ITPRID1: variants seen among roughly 807,000 people sequenced by gnomAD.
ITPRID1 encodes protein ITPRID1.
A neutral mutation model predicts 95.4 loss-of-function variants in ITPRID1; 96 were observed. The observed-to-expected ratio is 1.01, with a 90% CI of 0.85 to 1.19. The LOEUF (loss-of-function observed/expected upper bound fraction) is 1.19, where lower values mean the gene tolerates loss of function less well. Ranked by LOEUF, ITPRID1 falls within the 50% of genes most tolerant of loss-of-function variation. The pLI is 0.00. For missense variants in ITPRID1, 1,339 were observed against 1,252.9 expected, an observed-to-expected ratio of 1.07 and a Z score of -1.04; for synonymous variants, 510 against 453.6, an observed-to-expected ratio of 1.12 and a Z score of -1.58.
chr7:31,640,479 G>C (rs981130311), intron 10 of ITPRID1, among the ~76,000 whole-genome samples: 2 of 152,150 alleles, frequency 1.3e-5, no homozygotes, highest in African/African-American at 2.4e-5. Flanking sequence ...TGTTTCCTCA[G>C]CTTCAAGTGT....
At chr7:31,526,854 G>A (rs978247130) in intron 1 of ITPRID1, among the ~76,000 whole-genome samples, 1 of 151,972 alleles carries the variant, frequency 6.6e-6, no homozygotes, top group Non-Finnish European at 1.5e-5. Flanking sequence ...TTTCAGTCTT[G>A]TTGCTTCCAT....
At chr7:31,523,767 G>A (rs963171164) in intron 1 of ITPRID1, among the ~76,000 whole-genome samples, 1 of 152,074 alleles carries the variant, frequency 6.6e-6, no homozygotes, top group African/African-American at 2.4e-5. Flanking sequence ...CCCAGTCTCG[G>A]GTATTTATAA....
At position 31,578,409 on chromosome 7, in the gene ITPRID1, G is replaced by A. The variant is rs1459405390; in HGVS notation, c.1145G>A (p.Gly382Glu). Residue 382 changes from glycine (G) to glutamate (E), a missense_variant, in exon 9 of 15, where the codon GGA becomes GAA. Coordinates refer to ENST00000615280, the MANE Select transcript of ITPRID1 (RefSeq NM_001257967.3). ...LKSLSHLAGKGPDSFEMEEVQ... is the reference protein window; with the variant it reads ...LKSLSHLAGKEPDSFEMEEVQ... ...AGCTTGTCTCATCTTGCAGGCAAAG[G>A]ACCAGACTCATTTGAAATGGAAGAG... The A allele has an allele frequency of 5.0e-6, 8 of 1,608,662 alleles. No homozygotes were observed. Among genetic ancestry groups the A allele is most frequent in the African/African-American group, 1.3e-5 (1 of 74,706 alleles).
At chr7:31,632,923 T>C (rs1462927975) in intron 10 of ITPRID1, among the ~76,000 whole-genome samples, 1 of 152,086 alleles carries the variant, frequency 6.6e-6, no homozygotes, top group Non-Finnish European at 1.5e-5. Context: ...AGTCTCACTC[T>C]GTCGCCAGGC....
chr7:31,596,632 T>G (rs2128157350), intron 10 of ITPRID1, among the ~76,000 whole-genome samples: 1 of 151,716 alleles, frequency 6.6e-6, no homozygotes, highest in South Asian at 2.1e-4. Context: ...TTTAAAAAAA[T>G]GTGTGCATAA....
At chr7:31,623,364 T>G (rs1456194071) in intron 10 of ITPRID1, among the ~76,000 whole-genome samples, 1 of 151,880 alleles carries the variant, frequency 6.6e-6, no homozygotes, top group African/African-American at 2.4e-5. Flanking sequence ...AATAAAACAC[T>G]GGCAAACCGA....
At chr7:31,552,601 C>G (rs373236550) in intron 2 of ITPRID1, among the ~76,000 whole-genome samples, 4 of 152,028 alleles carry the variant, frequency 2.6e-5, no homozygotes, top group Non-Finnish European at 4.4e-5. Context: ...GTTGCCAAAG[C>G]CCTCATTTTT....
chr7:31,637,128 G>A (rs1032840038), intron 10 of ITPRID1, among the ~76,000 whole-genome samples: 1 of 151,742 alleles, frequency 6.6e-6, no homozygotes, highest in Non-Finnish European at 1.5e-5. Flanking sequence ...TCTTAATCCA[G>A]TCTATCGTTG....
intron 5 of ITPRID1, among the ~76,000 whole-genome samples, chr7:31,556,860 A>C (rs188662682): frequency 1.3e-5 from 2 of 152,174 alleles, no homozygotes; most frequent in East Asian, 3.9e-4. Context: ...ACAGAAATGT[A>C]TTCTCTCACA....
Position 31,652,252 on chromosome 7 carries a change from C to G in ITPRID1, c.2823+202C>G, listed in dbSNP as rs375743335. Among the ~76,000 whole-genome samples, 4 of 152,274 alleles carry G rather than the reference C, an allele frequency of 2.6e-5. No homozygotes were observed. In the South Asian group the frequency reaches 8.3e-4, roughly 32 times the overall value. Reference sequence around the variant, plus strand: ...TGATTCTGTATCAGAATTCAGTTCACCTGTCATACCAATCTTCCCCTTGCC... The same window carrying G: ...TGATTCTGTATCAGAATTCAGTTCAGCTGTCATACCAATCTTCCCCTTGCC... On this transcript the variant is annotated intron_variant, in intron 14 of 14. Transcript: ENST00000615280.
intron 1 of ITPRID1, chr7:31,517,430 GCCTGGGCATTC>G (rs1156552787): frequency 6.6e-6 from 1 of 152,298 alleles, no homozygotes; most frequent in Non-Finnish European, 1.5e-5. Context: ...CCAGCACCTA[GCCTGGGCATTC>G]CCACAGCCCA....
At chr7:31,605,274 A>T (rs1402280118) in intron 10 of ITPRID1, among the ~76,000 whole-genome samples, 2 of 152,178 alleles carry the variant, frequency 1.3e-5, no homozygotes, top group African/African-American at 4.8e-5. Flanking sequence ...AAGCTGATGT[A>T]TTTCAGGTGC....
intron 10 of ITPRID1, among the ~76,000 whole-genome samples, chr7:31,640,230 C>A (rs1789896617): frequency 6.6e-6 from 1 of 152,186 alleles, no homozygotes; most frequent in Non-Finnish European, 1.5e-5. Context: ...GGTTTTGCAT[C>A]TGGCTGGTGG....
Position 31,653,040 on chromosome 7 carries a change from C to G in ITPRID1, c.*211C>G. On this transcript the variant is annotated 3_prime_UTR_variant, in exon 15 of 15. Coordinates refer to ENST00000615280, the MANE Select transcript of ITPRID1 (RefSeq NM_001257967.3). ...AACTGAGCACCTAGTATGTGCCTGG[C>G]ACAGAGTATGCAACAGTGACTAAAT... 1 of 1,273,740 alleles carries G rather than the reference C, an allele frequency of 7.9e-7. No homozygotes were observed. The highest frequency in any genetic ancestry group is 1.0e-6 in the Non-Finnish European group (1 of 962,006). 78.9% of individuals were successfully genotyped at this position (1,273,740 alleles called of 1,614,324 possible).
intron 1 of ITPRID1, among the ~76,000 whole-genome samples, chr7:31,531,088 G>C (rs1783583516): frequency 6.6e-6 from 1 of 152,190 alleles, no homozygotes; most frequent in Non-Finnish European, 1.5e-5. Context: ...TTTAGAGGGA[G>C]CCCAAATGGA....
chr7:31,655,371 C>T lies in ITPRID1; in HGVS notation c.*2542C>T, dbSNP rs373124387. Among the ~76,000 whole-genome samples, 7 of 152,146 alleles carry T rather than the reference C, an allele frequency of 4.6e-5. No homozygotes were observed. Among genetic ancestry groups the T allele is most frequent in the South Asian group, 2.1e-4 (1 of 4,826 alleles). On this transcript the variant is annotated 3_prime_UTR_variant, in exon 15 of 15. Coordinates refer to ENST00000615280, the MANE Select transcript of ITPRID1 (RefSeq NM_001257967.3). ...ATACCTCCCAGAAGTTTCCTCAGAA[C>T]GAATTACCTGGCGACAGTGCAACAT... is the stretch of plus-strand genomic sequence containing the variant.
intron 10 of ITPRID1, among the ~76,000 whole-genome samples, chr7:31,608,128 A>G (rs546534247): frequency 9.2e-5 from 14 of 152,120 alleles, no homozygotes; most frequent in African/African-American, 3.4e-4. Flanking sequence ...TTGTTCCTCC[A>G]TTGAATTACC....
chr7:31,538,005 A>G (rs1783814277), intron 1 of ITPRID1, among the ~76,000 whole-genome samples: 1 of 152,192 alleles, frequency 6.6e-6, no homozygotes, highest in African/African-American at 2.4e-5. Context: ...GTAAAAATCT[A>G]TAACTTATGT....
intron 10 of ITPRID1, among the ~76,000 whole-genome samples, chr7:31,639,559 T>C: frequency 7.1e-6 from 1 of 141,684 alleles, no homozygotes; most frequent in Admixed American, 7.3e-5. Context: ...TTTTTTGAGA[T>C]GGAGTCTCAC....
Sources: gnomAD v4.1 joint callset for allele counts (sites outside exome capture counted in the v4.1 genomes callset) on GRCh38, gnomAD v4.1.1 for gene constraint, MANE v1.5 for transcripts, NCBI Gene and HGNC (gene_info 2026-07-23, HGNC 2026-07-21) for gene names.